The following PTK7 variants were observed in gnomAD, a reference collection of about 807,000 sequenced individuals.
PTK7 encodes the protein inactive tyrosine-protein kinase 7.
A neutral mutation model predicts 116.6 loss-of-function variants in PTK7; 39 were observed. That is an observed-to-expected ratio of 0.33 (90% CI 0.26 to 0.44). The LOEUF is 0.44. Among genes scored for constraint, PTK7 ranks in the 20% least tolerant of loss-of-function variants. The pLI is 1.00. For synonymous variants in PTK7, 546 were observed against 563.6 expected (o/e 0.97, Z 0.44); for missense variants, 1,169 against 1,425.6 (o/e 0.82, Z 2.90).
At chr6:43,113,849 A>G (rs567026008) in intron 1 of PTK7, among the ~76,000 whole-genome samples, 14 of 152,228 alleles carry the variant, frequency 9.2e-5, no homozygotes, top group Non-Finnish European at 1.6e-4. Context: ...ATTATTTACC[A>G]GGAGCCTCTA....
intron 17 of PTK7, among the ~76,000 whole-genome samples, chr6:43,147,208 T>C (rs1345108851): frequency 6.6e-6 from 1 of 152,248 alleles, no homozygotes; most frequent in Non-Finnish European, 1.5e-5. Context: ...GGGCTGTAGC[T>C]GCCCAGCCTT....
intron 1 of PTK7, among the ~76,000 whole-genome samples, chr6:43,081,412 T>G (rs1473121133): frequency 1.3e-5 from 2 of 152,182 alleles, no homozygotes; most frequent in Non-Finnish European, 2.9e-5. Context: ...TTTGTTTGTT[T>G]TTGTTTTTTT....
intron 1 of PTK7, among the ~76,000 whole-genome samples, chr6:43,105,184 CTCTT>C (rs1007108927): frequency 2.3e-4 from 34 of 150,232 alleles, no homozygotes; most frequent in African/African-American, 7.8e-4. Context: ...AAATTATATT[CTCTT>C]TGTTTCCATT....
chr6:43,143,913 A>C lies in PTK7; in HGVS notation c.2251+293A>C, dbSNP rs1405575525. Among the ~76,000 whole-genome samples, 1 of 152,092 alleles carries C rather than the reference A, an allele frequency of 6.6e-6. No homozygotes were observed. Among genetic ancestry groups the C allele is most frequent in the African/African-American group, 2.4e-5 (1 of 41,412 alleles). ...ACAGATATCATTAGTATATGTACAC[A>C]CGTTGCTGTTGCATGTCTTGTCTCC... On this transcript the variant is annotated intron_variant, in intron 14 of 19. Coordinates refer to ENST00000230419, the MANE Select transcript of PTK7 (RefSeq NM_002821.5). The surrounding 1 kb of genome is among the most constrained non-coding windows in gnomAD (Gnocchi z 4.2).
At chr6:43,153,459 G>A (rs1180184780) in intron 17 of PTK7, among the ~76,000 whole-genome samples, 1 of 151,982 alleles carries the variant, frequency 6.6e-6, no homozygotes, top group Non-Finnish European at 1.5e-5. Flanking sequence ...ACCCAGGCTG[G>A]AATGCAGTGG....
chr6:43,157,369 TTTTTTTC>T (rs1561990670), intron 17 of PTK7, among the ~76,000 whole-genome samples: 74 of 83,864 alleles, frequency 8.8e-4, no homozygotes, highest in African/African-American at 3.9e-3. Context: ...TATATATTTT[TTTTTTTC>T]TTTTTTTTTT....
intron 1 of PTK7, among the ~76,000 whole-genome samples, chr6:43,097,313 T>C (rs1038590368): frequency 3.9e-5 from 6 of 152,200 alleles, no homozygotes; most frequent in Non-Finnish European, 8.8e-5. Flanking sequence ...AGTGCCCTAC[T>C]GGTGGACTTC....
rs746367585 is a variant in PTK7 at position 43,144,544 on chromosome 6, G to A, written c.2345G>A (p.Arg782His). 5.0e-6 allele frequency: 8 copies of A among 1,614,026 alleles called. No individual in the cohort carries two copies. The highest frequency in any genetic ancestry group is 4.0e-5 in the African/African-American group (3 of 74,914). Reference protein sequence around the residue: ...LGSGPAATNKRHSTSDKMHFP... With the variant: ...LGSGPAATNKHHSTSDKMHFP... ...TCCGGCCCCGCGGCCACCAACAAAC[G>A]CCACAGCACAAGTGATAAGATGCAC... is the stretch of plus-strand genomic sequence containing the variant. Residue 782 changes from arginine to histidine, a missense_variant, in exon 15 of 20, where the codon CGC becomes CAC. By Grantham distance (29) the Arg-to-His change is conservative. This residue lies in a region of PTK7 where 678 missense variants were observed against 853.8 expected (regional missense o/e 0.79). Transcript: ENST00000230419.
rs776737161 is a variant in PTK7, at chr6:43,159,779, C to G, written c.2874-9C>G. 6.2e-7 allele frequency: 1 copy of G among 1,614,190 alleles called. No individual in the cohort carries two copies. The highest frequency in any genetic ancestry group is 8.5e-7 in the Non-Finnish European group (1 of 1,180,016). On this transcript the variant is annotated splice_polypyrimidine_tract_variant and intron_variant, in intron 18 of 19. Transcript: ENST00000230419. ...CCCACCTCACCCCTGGGTTGCTTCT[C>G]TCCTGCAGTGAGTACTACCACTTCC... is the stretch of plus-strand genomic sequence containing the variant.
chr6:43,151,499 A>G (rs1366218701), intron 17 of PTK7, among the ~76,000 whole-genome samples: 1 of 145,910 alleles, frequency 6.9e-6, no homozygotes, highest in African/African-American at 2.5e-5. Context: ...GGCGTGAGGC[A>G]CCGCGCCCAA....
chr6:43,129,417 A>G lies in PTK7; in HGVS notation c.367+153A>G. Reference sequence around the variant, plus strand: ...TCAGCTTTTTTTGCTCATGTGGATAAGAGGAAATTAAAAGTTATATTTTTT... The same window carrying G: ...TCAGCTTTTTTTGCTCATGTGGATAGGAGGAAATTAAAAGTTATATTTTTT... On this transcript the variant is annotated intron_variant, in intron 2 of 19. Transcript: ENST00000230419. The surrounding 1 kb of genome is among the most constrained non-coding windows in gnomAD (Gnocchi z 4.5). The G allele has an allele frequency of 9.3e-7, 1 of 1,078,972 alleles. No homozygotes were observed. The highest frequency in any genetic ancestry group is 1.3e-6 in the Non-Finnish European group (1 of 761,968). 66.8% of individuals were successfully genotyped at this position (1,078,972 alleles called of 1,614,324 possible). A position where few individuals can be genotyped will look rare whatever the true frequency, so the allele number is the denominator to read the frequency against.
rs1168229605 is a variant in PTK7, at chr6:43,076,948, A to G, written c.79+381A>G. 6.6e-7 allele frequency: 1 copy of G among 1,514,256 alleles called. No individual in the cohort carries two copies. Among genetic ancestry groups the G allele is most frequent in the Non-Finnish European group, 8.8e-7 (1 of 1,131,742 alleles). The allele number at this position is 1,514,256 out of a possible 1,614,324, so 93.8% of individuals were successfully genotyped here. On this transcript the variant is annotated intron_variant, in intron 1 of 19. Transcript: ENST00000230419. The surrounding 1 kb of genome is among the most constrained non-coding windows in gnomAD (Gnocchi z 5.7). Reference sequence around the variant, plus strand: ...CCCACCGTGGGGAGCGCGATGGAGAAAAAGGAATTCCCCACCCCACCCGGC... The same window carrying G: ...CCCACCGTGGGGAGCGCGATGGAGAGAAAGGAATTCCCCACCCCACCCGGC...
In PTK7 at chr6:43,157,350, ATATATATATATATATTTTTTTTTTTCT is replaced by A. The variant is rs1425307628; in HGVS notation, c.2722-1465_2722-1439del. 1.3e-3 allele frequency among the ~76,000 whole-genome samples: 7 copies of A among 5,456 alleles called. 1 individual carries two copies. The highest frequency in any genetic ancestry group is 3.3e-3 in the Admixed American group (1 of 300). The allele number at this position is 5,456 out of a possible 152,430, so 3.6% of individuals were successfully genotyped here. ...GCTATATATATATATATATATATAT[ATATATATATATATATTTTTTTTTTTCT>A]TTTTTTTTTTTTTTTTTTAATAGAG... is the stretch of plus-strand genomic sequence containing the variant. On this transcript the variant is annotated intron_variant, in intron 17 of 19. Transcript: ENST00000230419.
intron 7 of PTK7, among the ~76,000 whole-genome samples, chr6:43,135,212 T>C (rs1462262926): frequency 3.3e-5 from 5 of 152,042 alleles, no homozygotes; most frequent in African/African-American, 1.2e-4. Context: ...GCCTGTGGCA[T>C]TTGAGAGTGT....
Position 43,076,612 on chromosome 6 carries a change from A to C in PTK7, c.79+45A>C, listed in dbSNP as rs1766028643. The C allele has an allele frequency of 6.5e-7, 1 of 1,542,164 alleles. No homozygotes were observed. The highest frequency in any genetic ancestry group is 1.4e-5 in the African/African-American group (1 of 71,098). On this transcript the variant is annotated intron_variant, in intron 1 of 19. Coordinates refer to ENST00000230419, the MANE Select transcript of PTK7 (RefSeq NM_002821.5). This position sits in a 1 kb window ranked among gnomAD's most constrained non-coding sequence, Gnocchi z 5.7. ...GGGCACAGAGCTTGGGAAGCGCGGGAGTCCCGTGGGCAAAAGGCTGCGCCC... is the reference window on the plus strand; with the variant it reads ...GGGCACAGAGCTTGGGAAGCGCGGGCGTCCCGTGGGCAAAAGGCTGCGCCC...
chr6:43,154,606 A>G (rs1029654483), intron 17 of PTK7, among the ~76,000 whole-genome samples: 1 of 152,050 alleles, frequency 6.6e-6, no homozygotes, highest in African/African-American at 2.4e-5. Context: ...TTCATGACAT[A>G]GAGATTGTGA....
chr6:43,145,437 G>A lies in PTK7; in HGVS notation c.2640+5G>A. The A allele has an allele frequency of 6.5e-7, 1 of 1,549,560 alleles. No individual in the cohort carries two copies. The highest frequency in any genetic ancestry group is 8.8e-7 in the Non-Finnish European group (1 of 1,140,624). On this transcript the variant is annotated splice_donor_5th_base_variant and intron_variant, in intron 16 of 19. Coordinates refer to ENST00000230419, the MANE Select transcript of PTK7 (RefSeq NM_002821.5). The surrounding 1 kb of genome is among the most constrained non-coding windows in gnomAD (Gnocchi z 4.8). ...GTGCTGGAATATGTGGATCTGGTAT[G>A]CTGTTGGCAGGGGACGTGGGGGTCT...
In PTK7 at chr6:43,076,657, G is replaced by A; in HGVS notation, c.79+90G>A. ...GCGCCCGGGGCGGTGGGTTTGGGCG[G>A]CTGGAACGGCCCTGGAGTAGTGGAG... On this transcript the variant is annotated intron_variant, in intron 1 of 19. Coordinates refer to ENST00000230419, the MANE Select transcript of PTK7 (RefSeq NM_002821.5). The surrounding 1 kb of genome is among the most constrained non-coding windows in gnomAD (Gnocchi z 5.7). 1 of 1,451,352 alleles carries A rather than the reference G, an allele frequency of 6.9e-7. No individual in the cohort carries two copies. The allele number at this position is 1,451,352 out of a possible 1,614,324, so 89.9% of individuals were successfully genotyped here. A position where few individuals can be genotyped will look rare whatever the true frequency, so the allele number is the denominator to read the frequency against.
intron 1 of PTK7, among the ~76,000 whole-genome samples, chr6:43,096,351 G>A (rs1212979848): frequency 4.6e-5 from 7 of 151,604 alleles, no homozygotes; most frequent in Middle Eastern, 3.4e-3. Flanking sequence ...CACTGTCTCC[G>A]TTTTTGTCAC....
Sources: allele counts gnomAD v4.1 joint callset (sites outside exome capture counted in the v4.1 genomes callset), GRCh38; gene constraint gnomAD v4.1.1; regional missense constraint gnomAD v4.1.1; non-coding constraint Gnocchi (gnomAD v3.1); transcripts MANE v1.5; gene names NCBI Gene and HGNC (gene_info 2026-07-23, HGNC 2026-07-21).